COQ10A: variants seen among roughly 807,000 people sequenced by gnomAD.
COQ10A encodes the protein coenzyme Q10A.
COQ10A carries 25 observed loss-of-function variants against 26.1 expected under a neutral mutation model. That is an observed-to-expected ratio of 0.96 (90% CI 0.70 to 1.34). COQ10A has a LOEUF of 1.34. Ranked by LOEUF, COQ10A falls within the 40% of genes most tolerant of loss-of-function variation. The probability of loss-of-function intolerance (pLI) is 0.00; values close to 1 mark genes in which losing one functional copy is unlikely to be tolerated. For synonymous variants in COQ10A, 132 were observed against 124.0 expected (o/e 1.06, Z -0.43); for missense variants, 312 against 335.4 (o/e 0.93, Z 0.54).
rs543611356 is a variant in COQ10A at position 56,270,505 on chromosome 12, T to A, written c.*188T>A. ...TGGGGGAAAGAGAAGGCAAAGGATG[T>A]GGAAATGAGATGTGCTTAGGAAAGG... On this transcript the variant is annotated 3_prime_UTR_variant, in exon 5 of 5. Coordinates refer to ENST00000308197, the MANE Select transcript of COQ10A (RefSeq NM_144576.4). 1 of 631,792 alleles carries A rather than the reference T, an allele frequency of 1.6e-6. No homozygotes were observed. The highest frequency in any genetic ancestry group is 1.8e-5 in the African/African-American group (1 of 54,386). 39.1% of individuals were successfully genotyped at this position (631,792 alleles called of 1,614,324 possible).
Position 56,266,968 on chromosome 12 carries a change from C to T in COQ10A, c.-151C>T, listed in dbSNP as rs1872364683. 1.3e-6 allele frequency: 1 copy of T among 771,138 alleles called. No individual in the cohort carries two copies. Among genetic ancestry groups the T allele is most frequent in the South Asian group, 6.5e-5 (1 of 15,398 alleles). 47.8% of individuals were successfully genotyped at this position (771,138 alleles called of 1,614,324 possible). A position where few individuals can be genotyped will look rare whatever the true frequency, so the allele number is the denominator to read the frequency against. ...GTTCTAGCCTACCCGGCAGCCTGGA[C>T]GGGAGCAAGGCGAGAGGTGCTGCCG... On this transcript the variant is annotated 5_prime_UTR_variant, in exon 1 of 5. It adds an upstream start codon to the 5' untranslated region. Coordinates refer to ENST00000308197, the MANE Select transcript of COQ10A (RefSeq NM_144576.4).
At position 56,269,043 on chromosome 12, in the gene COQ10A, ATTC is replaced by A. The variant is rs1397531303; in HGVS notation, c.282-8_282-6del. The stretch of plus-strand genomic sequence containing the variant: ...CCAGCTGGCAGCTCCTTGGCCTGTG[ATTC>A]TTCTTCTCCTAGGTACTCAATGCAG... On this transcript the variant is annotated splice_polypyrimidine_tract_variant and intron_variant, in intron 2 of 4. Transcript: ENST00000308197. The A allele has an allele frequency of 2.5e-6, 4 of 1,609,468 alleles. No homozygotes were observed. The highest frequency in any genetic ancestry group is 2.2e-5 in the South Asian group (2 of 90,962).
chr12:56,270,313 C>G lies in COQ10A; in HGVS notation c.740C>G (p.Thr247Ser), dbSNP rs199823048. The change falls in exon 5 of 5, where the codon ACT becomes AGT. Residue 247 changes from threonine to serine, a missense_variant. Transcript: ENST00000308197. Reference protein sequence around the residue: ...RELMFHEVHQT With the variant: ...RELMFHEVHQS Reference sequence around the variant, plus strand: ...CTGATGTTCCATGAGGTGCACCAGACTTGAGGCAAGGGATTGCTCCCTGAC... The same window carrying G: ...CTGATGTTCCATGAGGTGCACCAGAGTTGAGGCAAGGGATTGCTCCCTGAC... The G allele has an allele frequency of 2.6e-4, 421 of 1,613,418 alleles. No individual in the cohort carries two copies. Among genetic ancestry groups the G allele is most frequent in the Middle Eastern group, 1.6e-4 (1 of 6,082 alleles).
Position 56,270,544 on chromosome 12 carries a change from T to C in COQ10A, c.*227T>C, listed in dbSNP as rs1307183648. The C allele has an allele frequency of 9.6e-6, 5 of 522,680 alleles. No individual in the cohort carries two copies. Among genetic ancestry groups the C allele is most frequent in the Non-Finnish European group, 1.7e-5 (5 of 294,846 alleles). 32.4% of individuals were successfully genotyped at this position (522,680 alleles called of 1,614,324 possible). On this transcript the variant is annotated 3_prime_UTR_variant, in exon 5 of 5. Transcript: ENST00000308197. ...GCTTAGGAAAGGGTCAGGCCCATCG[T>C]AGGAGCACCATATGCCTGCAGCCTT...
chr12:56,267,398 G>T, intron 1 of COQ10A, 146 bp downstream of exon 1: 2 of 1,613,980 alleles, frequency 1.2e-6, no homozygotes, highest in Non-Finnish European at 1.7e-6. Flanking sequence ...TTTGGATAAT[G>T]CTTTTGCAAG....
At chr12:56,267,966 T>C (rs1341516824) in intron 2 of COQ10A, 26 bp downstream of exon 2, 5 of 1,612,368 alleles carry the variant, frequency 3.1e-6, no homozygotes, top group Non-Finnish European at 4.2e-6. Context: ...CTTGCATCCT[T>C]GCACCTCCCT....
At position 56,269,563 on chromosome 12, in the gene COQ10A, T is replaced by C; in HGVS notation, c.576+2T>C. Reference sequence around the variant, plus strand: ...CGAACCTGCACTGTGGACTTTTCGGTGAGTCAGGAGGTTGTGTAGCAGAGG... The same window carrying C: ...CGAACCTGCACTGTGGACTTTTCGGCGAGTCAGGAGGTTGTGTAGCAGAGG... On this transcript the variant is annotated splice_donor_variant, in intron 4 of 4. Coordinates refer to ENST00000308197, the MANE Select transcript of COQ10A (RefSeq NM_144576.4). LOFTEE classifies it high-confidence loss of function. The C allele has an allele frequency of 1.2e-6, 2 of 1,606,308 alleles. No homozygotes were observed. Among genetic ancestry groups the C allele is most frequent in the Non-Finnish European group, 1.7e-6 (2 of 1,172,904 alleles).
rs1439849440 is a variant in COQ10A, at chr12:56,270,152, T to C, written c.579T>C (p.Ile193=). Residue 193 remains isoleucine, a splice_region_variant and synonymous_variant, in exon 5 of 5, where the codon ATT becomes ATC. Coordinates refer to ENST00000308197, the MANE Select transcript of COQ10A (RefSeq NM_144576.4). ...YPRTCTVDFS[I]SFEFRSLLHS... ...GACTGTCTCTTACCCATTCCCAGATTTCCTTTGAATTTCGTTCTCTGCTGC... is the reference window on the plus strand; with the variant it reads ...GACTGTCTCTTACCCATTCCCAGATCTCCTTTGAATTTCGTTCTCTGCTGC... 27 of 1,613,396 alleles carry C rather than the reference T, an allele frequency of 1.7e-5. No homozygotes were observed. The highest frequency in any genetic ancestry group is 2.3e-5 in the Non-Finnish European group (27 of 1,179,528).
Position 56,269,522 on chromosome 12 carries a change from T to C in COQ10A, c.537T>C (p.Gly179=). ...AGACTATTTGGCGATTCAGCCCTGG[T>C]ATTCCTGCCTATCCTCGAACCTGCA... is the stretch of plus-strand genomic sequence containing the variant. ...HLETIWRFSP[G]IPAYPRTCTV... Residue 179 remains glycine, a synonymous_variant, in exon 4 of 5, where the codon GGT becomes GGC. Transcript: ENST00000308197. 5 of 1,614,196 alleles carry C rather than the reference T, an allele frequency of 3.1e-6. No individual in the cohort carries two copies. Among genetic ancestry groups the C allele is most frequent in the Non-Finnish European group, 4.2e-6 (5 of 1,180,014 alleles).
intron 1 of COQ10A, chr12:56,267,564 C>G: frequency 8.3e-7 from 1 of 1,205,784 alleles, no homozygotes; most frequent in South Asian, 1.2e-5. Flanking sequence ...TCCCACACAC[C>G]CCTTTTTCTC....
chr12:56,267,654 C>A, intron 1 of COQ10A, 140 bp from the exon 2 acceptor site: 1 of 1,291,916 alleles, frequency 7.7e-7, no homozygotes, highest in Non-Finnish European at 1.1e-6. Flanking sequence ...CAGAGAGAGC[C>A]TAGCGGGCTG....
At chr12:56,267,557 C>T in intron 1 of COQ10A, 1 of 1,270,322 alleles carries the variant, frequency 7.9e-7, no homozygotes, top group Non-Finnish European at 1.1e-6. Flanking sequence ...TGGCGCTTCC[C>T]ACACACCCCT....
chr12:56,267,989 T>C (rs755045879), intron 2 of COQ10A, 49 bp downstream of exon 2: 17 of 1,605,298 alleles, frequency 1.1e-5, no homozygotes, highest in Non-Finnish European at 2.6e-6. Context: ...TCCCTCCAAA[T>C]AACCCTGTCC....
At chr12:56,267,588 C>A in intron 1 of COQ10A, 1 of 1,151,308 alleles carries the variant, frequency 8.7e-7, no homozygotes, top group East Asian at 2.4e-5. Context: ...CCCCTCACCC[C>A]GCCCCCAGCC....
chr12:56,269,138 C>T lies in COQ10A; in HGVS notation c.361C>T (p.Leu121=). 6.2e-7 allele frequency: 1 copy of T among 1,614,110 alleles called. No homozygotes were observed. The highest frequency in any genetic ancestry group is 8.5e-7 in the Non-Finnish European group (1 of 1,180,026). The change falls in exon 3 of 5, where the codon CTG becomes TTG. Residue 121 remains leucine (L), a synonymous_variant. Coordinates refer to ENST00000308197, the MANE Select transcript of COQ10A (RefSeq NM_144576.4). ...GTTTGTGCCCTGGTGTAAGAAGTCT[C>T]TGGTGGTATCCAGCCGTAAGGGTCA... is the stretch of plus-strand genomic sequence containing the variant. The part of the protein sequence containing the change: ...REFVPWCKKS[L]VVSSRKGHLK...
chr12:56,267,207 A>T lies in COQ10A; in HGVS notation c.89A>T (p.Gln30Leu), dbSNP rs1348505655. The change falls in exon 1 of 5, where the codon CAA becomes CTA. Residue 30 changes from glutamine (Q) to leucine (L), a missense_variant. Coordinates refer to ENST00000308197, the MANE Select transcript of COQ10A (RefSeq NM_144576.4). The part of the protein sequence containing the change: ...CCRLSLSPGA[Q>L]PAPPPGPLPP... The stretch of plus-strand genomic sequence containing the variant: ...CGGCTCTCGCTCAGCCCGGGCGCGC[A>T]ACCGGCCCCGCCCCCAGGCCCTCTG... 1 of 1,421,462 alleles carries T rather than the reference A, an allele frequency of 7.0e-7. No individual in the cohort carries two copies. The highest frequency in any genetic ancestry group is 9.2e-7 in the Non-Finnish European group (1 of 1,090,588). The allele number at this position is 1,421,462 out of a possible 1,614,324, so 88.1% of individuals were successfully genotyped here.
At chr12:56,268,889 C>A in intron 2 of COQ10A, 170 bp from the exon 3 acceptor site, 2 of 599,968 alleles carry the variant, frequency 3.3e-6, no homozygotes, top group South Asian at 4.3e-5. Context: ...GTAACAGTAT[C>A]ATAAGGATTT....
At chr12:56,269,972 A>T in intron 4 of COQ10A, 178 bp from the exon 5 acceptor site, 1 of 648,564 alleles carries the variant, frequency 1.5e-6, no homozygotes, top group Non-Finnish European at 2.7e-6. Context: ...CAAGTCAGTT[A>T]GTCTGAGCTT....
At position 56,267,163 on chromosome 12, in the gene COQ10A, G is replaced by C. The variant is rs959082262; in HGVS notation, c.45G>C (p.Ala15=). Residue 15 remains alanine, a synonymous_variant, in exon 1 of 5, where the codon GCG becomes GCC. Transcript: ENST00000308197. ...GSRRVPAGTR[A]AAERCCRLSL... The stretch of plus-strand genomic sequence containing the variant: ...GGCGGGTCCCAGCTGGGACGCGCGC[G>C]GCAGCCGAGCGCTGCTGCCGGCTCT... 2 of 1,342,628 alleles carry C rather than the reference G, an allele frequency of 1.5e-6. No individual in the cohort carries two copies. Among genetic ancestry groups the C allele is most frequent in the Non-Finnish European group, 9.5e-7 (1 of 1,053,452 alleles). 83.2% of individuals were successfully genotyped at this position (1,342,628 alleles called of 1,614,324 possible).
Sources: allele counts gnomAD v4.1 joint callset, GRCh38; gene constraint gnomAD v4.1.1; transcripts MANE v1.5; gene names NCBI Gene and HGNC (gene_info 2026-07-23, HGNC 2026-07-21).